Variants in EPB41L3 observed in about 807,000 individuals in gnomAD.
The protein encoded by EPB41L3 is erythrocyte membrane protein band 4.1 like 3.
EPB41L3 carries 57 observed loss-of-function variants against 127.1 expected under a neutral mutation model. The ratio of observed to expected loss-of-function variants is 0.45; its 90% CI spans 0.36 to 0.56. The LOEUF (loss-of-function observed/expected upper bound fraction) is 0.56, where lower values mean the gene tolerates loss of function less well. Among genes scored for constraint, EPB41L3 ranks in the 20% least tolerant of loss-of-function variants. The pLI is 0.00. For synonymous variants in EPB41L3, 572 were observed against 549.5 expected (o/e 1.04, Z -0.57); for missense variants, 1,273 against 1,372.2 (o/e 0.93, Z 1.14).
intron 16 of EPB41L3, among the ~76,000 whole-genome samples, chr18:5,404,399 T>C (rs2075020009): frequency 6.6e-6 from 1 of 152,182 alleles, no homozygotes; most frequent in Admixed American, 6.5e-5. Context: ...TCTTCTCCAG[T>C]TTAAATAACC....
intron 16 of EPB41L3, among the ~76,000 whole-genome samples, chr18:5,403,612 A>G (rs2074885266): frequency 6.6e-6 from 1 of 151,432 alleles, no homozygotes; most frequent in Admixed American, 6.6e-5. Context: ...AAAAACAACA[A>G]CAACTAAGCT....
chr18:5,479,986 ATTATGAACAT>A (rs2088089830), intron 2 of EPB41L3: 1 of 152,238 alleles, frequency 6.6e-6, no homozygotes, highest in Non-Finnish European at 1.5e-5. Context: ...ACTTACACAA[ATTATGAACAT>A]TTAAGTTTTA....
intron 1 of EPB41L3, among the ~76,000 whole-genome samples, chr18:5,617,719 A>C (rs1297405314): frequency 6.6e-6 from 1 of 152,188 alleles, no homozygotes; most frequent in Non-Finnish European, 1.5e-5. Flanking sequence ...TTTCCTATCT[A>C]TTACTTGATC....
chr18:5,529,350 A>C (rs2093338058), intron 1 of EPB41L3, among the ~76,000 whole-genome samples: 2 of 151,878 alleles, frequency 1.3e-5, no homozygotes, highest in Non-Finnish European at 2.9e-5. Flanking sequence ...ATCTTACCTA[A>C]CCTACAGTGG....
Position 5,443,959 on chromosome 18 carries a change from C to T in EPB41L3, c.487-79G>A, listed in dbSNP as rs544688691. ...AATGTTGATTAGGTACAGACTCTCC[C>T]TAAATGCAGTGCGGAGTTAGTGGTC... On this transcript the variant is annotated intron_variant, in intron 4 of 22. Coordinates refer to ENST00000341928, the MANE Select transcript of EPB41L3 (RefSeq NM_012307.5). 3.4e-5 allele frequency: 42 copies of T among 1,229,160 alleles called. No homozygotes were observed. In the East Asian group the frequency reaches 9.4e-4, roughly 27 times the overall value. 76.1% of individuals were successfully genotyped at this position (1,229,160 alleles called of 1,614,324 possible).
intron 3 of EPB41L3, among the ~76,000 whole-genome samples, chr18:5,457,597 C>T (rs962015432): frequency 5.3e-5 from 8 of 152,140 alleles, no homozygotes; most frequent in African/African-American, 1.7e-4. Flanking sequence ...GACAACATCA[C>T]GGTTTAGCTA....
intron 3 of EPB41L3, among the ~76,000 whole-genome samples, chr18:5,562,402 G>C (rs1177936095): frequency 5.9e-5 from 9 of 152,204 alleles, no homozygotes; most frequent in Admixed American, 4.6e-4. Context: ...TAAACAATGA[G>C]AGTAGGGATC....
intron 13 of EPB41L3, among the ~76,000 whole-genome samples, chr18:5,412,060 T>C (rs971981007): frequency 2.6e-5 from 4 of 152,124 alleles, no homozygotes; most frequent in African/African-American, 9.7e-5. Context: ...ATTGTTGTTA[T>C]GGGATTAGTA....
At chr18:5,535,843 A>C (rs2093556612) in intron 1 of EPB41L3, among the ~76,000 whole-genome samples, 1 of 152,230 alleles carries the variant, frequency 6.6e-6, no homozygotes, top group South Asian at 2.1e-4. Context: ...GGAATATGAC[A>C]TTTGTTACCA....
chr18:5,491,992 G>C (rs1218143164), intron 1 of EPB41L3, among the ~76,000 whole-genome samples: 1 of 152,080 alleles, frequency 6.6e-6, no homozygotes, highest in Non-Finnish European at 1.5e-5. Context: ...GCAATAACCT[G>C]ATTTTTAATG....
At chr18:5,473,571 T>C (rs1048155559) in intron 3 of EPB41L3, among the ~76,000 whole-genome samples, 1 of 151,420 alleles carries the variant, frequency 6.6e-6, no homozygotes, top group Non-Finnish European at 1.5e-5. Flanking sequence ...TCACTACGAA[T>C]ACACTGTACA....
At chr18:5,519,370 C>T (rs1190200583) in intron 1 of EPB41L3, among the ~76,000 whole-genome samples, 1 of 152,182 alleles carries the variant, frequency 6.6e-6, no homozygotes, top group Non-Finnish European at 1.5e-5. Flanking sequence ...ACATCTTGGA[C>T]CTCAGTTACT....
At chr18:5,622,058 A>C (rs1568661659) in intron 1 of EPB41L3, among the ~76,000 whole-genome samples, 1 of 152,006 alleles carries the variant, frequency 6.6e-6, no homozygotes, top group Non-Finnish European at 1.5e-5. Flanking sequence ...TGCTTTGGTT[A>C]CTTTTTTTTT....
chr18:5,459,185 C>T (rs1273713349), intron 3 of EPB41L3, among the ~76,000 whole-genome samples: 1 of 152,098 alleles, frequency 6.6e-6, no homozygotes, highest in East Asian at 1.9e-4. Context: ...TTAGTCCCAA[C>T]GACTCAAGCG....
rs116344771 is a variant in EPB41L3, at chr18:5,520,968, C to T, written c.-12+22945G>A. Among the ~76,000 whole-genome samples, 1,060 of 152,226 alleles carry T rather than the reference C, an allele frequency of 7.0e-3. 15 individuals carry two copies. Among genetic ancestry groups the T allele is most frequent in the African/African-American group, 0.025 (1,023 of 41,536 alleles). On this transcript the variant is annotated intron_variant, in intron 1 of 22. Coordinates refer to ENST00000341928, the MANE Select transcript of EPB41L3 (RefSeq NM_012307.5). ...AAACAAACGCAGAAAGAGATGTGCT[C>T]CATAACCCACACACCACTCCTTAGG... is the stretch of plus-strand genomic sequence containing the variant.
At chr18:5,495,016 C>A (rs796230478) in intron 1 of EPB41L3, among the ~76,000 whole-genome samples, 9 of 152,332 alleles carry the variant, frequency 5.9e-5, no homozygotes, top group African/African-American at 2.2e-4. Flanking sequence ...AGAGACCACA[C>A]AGGCCCTGAA....
Position 5,450,933 on chromosome 18 carries a change from G to A in EPB41L3, c.382-5689C>T, listed in dbSNP as rs540503089. Among the ~76,000 whole-genome samples, 28 of 152,180 alleles carry A rather than the reference G, an allele frequency of 1.8e-4. 1 individual carries two copies. Among genetic ancestry groups the A allele is most frequent in the African/African-American group, 6.5e-4 (27 of 41,506 alleles). The stretch of plus-strand genomic sequence containing the variant: ...ACATCTAGAAACTTCGTCAGGTTCC[G>A]GTTTGTTTTCCATAAATGATACTTC... On this transcript the variant is annotated intron_variant, in intron 3 of 22. Coordinates refer to ENST00000341928, the MANE Select transcript of EPB41L3 (RefSeq NM_012307.5).
intron 13 of EPB41L3, among the ~76,000 whole-genome samples, chr18:5,414,614 T>G (rs1182248734): frequency 6.6e-6 from 1 of 152,136 alleles, no homozygotes; most frequent in Admixed American, 6.5e-5. Context: ...GCTAAGCGTA[T>G]TTTGCTTTTT....
chr18:5,551,583 A>G (rs2093965412), intron 3 of EPB41L3, among the ~76,000 whole-genome samples: 1 of 152,052 alleles, frequency 6.6e-6, no homozygotes, highest in Non-Finnish European at 1.5e-5. Flanking sequence ...AGCCTGGCGT[A>G]GTGGAGCATG....
Sources: gnomAD v4.1 joint callset for allele counts (sites outside exome capture counted in the v4.1 genomes callset) on GRCh38, gnomAD v4.1.1 for gene constraint, MANE v1.5 for transcripts, NCBI Gene and HGNC (gene_info 2026-07-23, HGNC 2026-07-21) for gene names.